The following CR2 variants were observed in gnomAD, a reference collection of about 807,000 sequenced individuals.
The protein encoded by CR2 is complement C3d receptor 2.
CR2 carries 96 observed loss-of-function variants against 123.0 expected under a neutral mutation model. That is an observed-to-expected ratio of 0.78 (90% CI 0.66 to 0.93). CR2 has a LOEUF of 0.93. CR2 is among the 40% of genes least tolerant of loss of function. The pLI is 0.00. For synonymous variants in CR2, 484 were observed against 469.5 expected, an observed-to-expected ratio of 1.03 and a Z score of -0.40; for missense variants, 1,258 against 1,361.0, an observed-to-expected ratio of 0.92 and a Z score of 1.19.
intron 14 of CR2, among the ~76,000 whole-genome samples, chr1:207,475,424 C>T (rs147044619): frequency 7.0e-4 from 106 of 152,256 alleles, no homozygotes; most frequent in Non-Finnish European, 1.3e-3. Context: ...ATAAATAGTA[C>T]ATGAAAGGAT....
chr1:207,464,672 T>C (rs1658050575), intron 1 of CR2, among the ~76,000 whole-genome samples: 1 of 152,204 alleles, frequency 6.6e-6, no homozygotes, highest in Non-Finnish European at 1.5e-5. Context: ...TTTAAAATGA[T>C]ACATGATATT....
chr1:207,478,887 G>GAA (rs143541032), intron 16 of CR2, among the ~76,000 whole-genome samples: 1 of 149,838 alleles, frequency 6.7e-6, no homozygotes, highest in Non-Finnish European at 1.5e-5. Flanking sequence ...TACTTAGAGT[G>GAA]AAAAAAAAAG....
intron 1 of CR2, among the ~76,000 whole-genome samples, chr1:207,460,308 G>T (rs544667631): frequency 1.9e-4 from 29 of 152,114 alleles, no homozygotes; most frequent in Non-Finnish European, 3.5e-4. Context: ...TAAATAGAAG[G>T]GGACCTATAG....
chr1:207,479,004 A>G (rs1317386526), intron 16 of CR2, among the ~76,000 whole-genome samples: 1 of 151,692 alleles, frequency 6.6e-6, no homozygotes, highest in Non-Finnish European at 1.5e-5. Context: ...TTTTGTTTTA[A>G]ATAGACACAA....
chr1:207,484,407 T>C (rs1338749166), intron 18 of CR2, among the ~76,000 whole-genome samples: 2 of 152,238 alleles, frequency 1.3e-5, no homozygotes, highest in Non-Finnish European at 2.9e-5. Context: ...GAAATGCTTT[T>C]TTAAATGAGA....
At chr1:207,476,147 C>A in intron 14 of CR2, 87 bp from the exon 15 acceptor site, 1 of 1,311,952 alleles carries the variant, frequency 7.6e-7, no homozygotes, top group Non-Finnish European at 1.1e-6. Flanking sequence ...TTGCTTCTGG[C>A]CTTCCTGTAT....
At chr1:207,462,149 C>G (rs1203492465) in intron 1 of CR2, among the ~76,000 whole-genome samples, 1 of 152,094 alleles carries the variant, frequency 6.6e-6, no homozygotes, top group Non-Finnish European at 1.5e-5. Flanking sequence ...CTAGACCAGA[C>G]AGTGGGGCCT....
intron 18 of CR2, among the ~76,000 whole-genome samples, chr1:207,481,038 T>G (rs1658590067): frequency 6.6e-6 from 1 of 152,090 alleles, no homozygotes; most frequent in Non-Finnish European, 1.5e-5. Context: ...TCAAGTAATC[T>G]TTTCTCTCCC....
chr1:207,457,640 A>G (rs964534418), intron 1 of CR2, among the ~76,000 whole-genome samples: 4 of 152,100 alleles, frequency 2.6e-5, no homozygotes, highest in South Asian at 2.1e-4. Flanking sequence ...GATAAATCCA[A>G]TGGTCATTTT....
chr1:207,474,739 G>A, intron 13 of CR2, 85 bp from the exon 14 acceptor site: 4 of 1,342,954 alleles, frequency 3.0e-6, no homozygotes, highest in Non-Finnish European at 4.3e-6. Flanking sequence ...AATATATGCA[G>A]TTGCATATTG....
rs374563684 is a variant in CR2, at chr1:207,473,677, G to T, written c.2111G>T (p.Cys704Phe). The T allele has an allele frequency of 1.9e-6, 3 of 1,614,024 alleles. No individual in the cohort carries two copies. Among genetic ancestry groups the T allele is most frequent in the Non-Finnish European group, 2.5e-6 (3 of 1,179,902 alleles). ...YLLVGNKSIH[C>F]MPSGNWSPSA... ...CTTGTGGGAAACAAATCCATTCACT[G>T]TATGCCTTCAGGAAATTGGAGTCCT... The change falls in exon 11 of 20, where the codon TGT becomes TTT. Residue 704 changes from cysteine to phenylalanine, a missense_variant. Cys to Phe is a radical substitution (Grantham distance 205). Coordinates refer to ENST00000367057, the MANE Select transcript of CR2 (RefSeq NM_001006658.3).
chr1:207,470,694 G>C (rs756071188), intron 6 of CR2, 46 bp from the exon 7 acceptor site: 9 of 1,581,406 alleles, frequency 5.7e-6, no homozygotes, highest in Non-Finnish European at 7.8e-6. Context: ...TCTTTCTGTG[G>C]TTGTTTACTT....
At chr1:207,464,206 A>G (rs1475142874) in intron 1 of CR2, among the ~76,000 whole-genome samples, 2 of 152,338 alleles carry the variant, frequency 1.3e-5, no homozygotes, top group South Asian at 2.1e-4. Flanking sequence ...TTTATCAGCC[A>G]GTTCCATATA....
At chr1:207,460,697 C>T (rs964886439) in intron 1 of CR2, among the ~76,000 whole-genome samples, 1 of 151,996 alleles carries the variant, frequency 6.6e-6, no homozygotes. Flanking sequence ...AGCTATATCC[C>T]TAAGTGTATC....
In CR2 at chr1:207,468,254, C is replaced by G; in HGVS notation, c.446-273C>G. 4 of 485,466 alleles carry G rather than the reference C, an allele frequency of 8.2e-6. No homozygotes were observed. In the South Asian group the frequency reaches 8.6e-5, roughly 10 times the overall value. The allele number at this position is 485,466 out of a possible 1,614,324, so 30.1% of individuals were successfully genotyped here. A position where few individuals can be genotyped will look rare whatever the true frequency, so the allele number is the denominator to read the frequency against. On this transcript the variant is annotated intron_variant, in intron 2 of 19. Coordinates refer to ENST00000367057, the MANE Select transcript of CR2 (RefSeq NM_001006658.3). ...CAGCATCTCGATCAAGCTTGTCCAACTCGCTACCCGTGGACAGCATGTGGC... is the reference window on the plus strand; with the variant it reads ...CAGCATCTCGATCAAGCTTGTCCAAGTCGCTACCCGTGGACAGCATGTGGC...
chr1:207,466,949 G>T (rs781586693), intron 2 of CR2, 37 bp downstream of exon 2: 2 of 1,548,194 alleles, frequency 1.3e-6, no homozygotes, highest in Non-Finnish European at 8.7e-7. Flanking sequence ...GGAGGTTGGG[G>T]TCTTGCCTTT....
Position 207,454,722 on chromosome 1 carries a change from G to A in CR2, c.58+246G>A. The A allele has an allele frequency of 2.3e-6, 1 of 442,674 alleles. No individual in the cohort carries two copies. Among genetic ancestry groups the A allele is most frequent in the Non-Finnish European group, 4.0e-6 (1 of 249,684 alleles). The allele number at this position is 442,674 out of a possible 1,614,324, so 27.4% of individuals were successfully genotyped here. A position where few individuals can be genotyped will look rare whatever the true frequency, so the allele number is the denominator to read the frequency against. Reference sequence around the variant, plus strand: ...GCCACAGAGGGGCGCTGTCTGGTCGGCCCGGTGTGGCTGGCGGCGTGCGGG... The same window carrying A: ...GCCACAGAGGGGCGCTGTCTGGTCGACCCGGTGTGGCTGGCGGCGTGCGGG... On this transcript the variant is annotated intron_variant, in intron 1 of 19. Coordinates refer to ENST00000367057, the MANE Select transcript of CR2 (RefSeq NM_001006658.3). The surrounding 1 kb of genome is among the most constrained non-coding windows in gnomAD (Gnocchi z 4.3).
At chr1:207,461,572 CTT>C (rs1225675752) in intron 1 of CR2, among the ~76,000 whole-genome samples, 1 of 152,146 alleles carries the variant, frequency 6.6e-6, no homozygotes, top group Non-Finnish European at 1.5e-5. Flanking sequence ...TTTAGCCTCT[CTT>C]GGTTTTTATG....
intron 1 of CR2, among the ~76,000 whole-genome samples, chr1:207,457,741 C>T (rs1371322802): frequency 6.6e-6 from 1 of 152,128 alleles, no homozygotes; most frequent in Admixed American, 6.5e-5. Flanking sequence ...AACCAAGACA[C>T]TCTTACCTGT....
Sources: allele counts gnomAD v4.1 joint callset (sites outside exome capture counted in the v4.1 genomes callset), GRCh38; gene constraint gnomAD v4.1.1; non-coding constraint Gnocchi (gnomAD v3.1); transcripts MANE v1.5; gene names NCBI Gene and HGNC (gene_info 2026-07-23, HGNC 2026-07-21).